CIMAP1D: variants seen among roughly 807,000 people sequenced by gnomAD.
CIMAP1D encodes the protein protein CIMAP1D.
At chr19:463,767 C>T in the CIMAP1D span, 1 of 1,527,642 alleles carries the variant, frequency 6.5e-7, no homozygotes, top group Non-Finnish European at 8.7e-7. Flanking sequence ...CTCTCGCCTT[C>T]TAGCCCCTCC....
chr19:482,127 A>C, the CIMAP1D span, among the ~76,000 whole-genome samples: 1 of 152,208 alleles, frequency 6.6e-6, no homozygotes. Flanking sequence ...ACGTGAAATT[A>C]ATTTTAATAA....
chr19:479,549 C>T, the CIMAP1D span, among the ~76,000 whole-genome samples: 2 of 152,030 alleles, frequency 1.3e-5, no homozygotes, highest in African/African-American at 4.8e-5. Context: ...GGATTACAGG[C>T]GTGCGCAACC....
the CIMAP1D span, among the ~76,000 whole-genome samples, chr19:466,737 A>C: frequency 9.4e-6 from 1 of 106,334 alleles, no homozygotes; most frequent in African/African-American, 3.7e-5. Flanking sequence ...GGATAGATGG[A>C]TGAGTGGATG....
chr19:488,010 C>T, the CIMAP1D span, among the ~76,000 whole-genome samples: 1 of 152,110 alleles, frequency 6.6e-6, no homozygotes, highest in African/African-American at 2.4e-5. Flanking sequence ...CCCCCAGTCA[C>T]GTACCCCCTG....
At chr19:484,033 A>C in the CIMAP1D span, among the ~76,000 whole-genome samples, 1 of 151,906 alleles carries the variant, frequency 6.6e-6, no homozygotes, top group South Asian at 2.1e-4. Flanking sequence ...AGATGCCATG[A>C]TTTACTCAGA....
the CIMAP1D span, chr19:464,320 C>T: frequency 1.5e-5 from 23 of 1,540,106 alleles, no homozygotes; most frequent in Non-Finnish European, 2.0e-5. Flanking sequence ...ACAGGGGGCA[C>T]CTTCTCTGGG....
the CIMAP1D span, chr19:463,897 C>T: frequency 5.0e-6 from 8 of 1,611,050 alleles, no homozygotes; most frequent in South Asian, 4.4e-5. Context: ...GGCGTGGTGG[C>T]GGCCATGGTG....
At chr19:481,540 GGATGATGGA>G in the CIMAP1D span, among the ~76,000 whole-genome samples, 2 of 144,672 alleles carry the variant, frequency 1.4e-5, no homozygotes, top group African/African-American at 2.6e-5. Flanking sequence ...GGATGATGGA[GGATGATGGA>G]GAAGGATGAT....
the CIMAP1D span, among the ~76,000 whole-genome samples, chr19:478,829 GT>G: frequency 6.6e-6 from 1 of 152,364 alleles, no homozygotes; most frequent in South Asian, 2.1e-4. Flanking sequence ...AGGTGACTCC[GT>G]TGGTGCTCCC....
At chr19:471,807 A>G in the CIMAP1D span, among the ~76,000 whole-genome samples, 1 of 151,310 alleles carries the variant, frequency 6.6e-6, no homozygotes, top group Non-Finnish European at 1.5e-5. Flanking sequence ...CAGTGGCGCC[A>G]TCTCGGCTCA....
chr19:463,944 G>A, the CIMAP1D span: 27 of 1,611,482 alleles, frequency 1.7e-5, no homozygotes, highest in African/African-American at 2.9e-4. Context: ...CATAGAGAAC[G>A]CTGGAGCCCT....
the CIMAP1D span, among the ~76,000 whole-genome samples, chr19:483,919 G>A: frequency 6.6e-6 from 1 of 152,228 alleles, no homozygotes; most frequent in South Asian, 2.1e-4. Flanking sequence ...GGAAGGGGAC[G>A]GTGCACTCAT....
chr19:467,831 G>T, the CIMAP1D span: 1 of 1,016,124 alleles, frequency 9.8e-7, no homozygotes, highest in Non-Finnish European at 1.5e-6. Context: ...CCCGGCCTCA[G>T]TGCCCCTCTT....
At chr19:489,311 G>A in the CIMAP1D span, 15,280 of 150,820 alleles carry the variant, frequency 0.1, 1,614 homozygotes, top group African/African-American at 0.27. Flanking sequence ...ACCCTCGCAG[G>A]CCGAGCCCCG....
chr19:467,585 G>T, the CIMAP1D span: 1 of 1,000,760 alleles, frequency 1.0e-6, no homozygotes, highest in Non-Finnish European at 1.6e-6. Context: ...GGAGGACAGG[G>T]CAGGAGAGTC....
chr19:487,739 T>C, the CIMAP1D span, among the ~76,000 whole-genome samples: 1 of 151,892 alleles, frequency 6.6e-6, no homozygotes, highest in African/African-American at 2.4e-5. Context: ...CTGGCCAACA[T>C]GGTGAAACTC....
At chr19:467,740 C>T in the CIMAP1D span, 42,004 of 1,606,182 alleles carry the variant, frequency 0.026, 912 homozygotes, top group African/African-American at 0.11. Flanking sequence ...AGATGGGGCC[C>T]GGGCTGGTGT....
chr19:475,686 A>C, the CIMAP1D span, among the ~76,000 whole-genome samples: 1 of 152,124 alleles, frequency 6.6e-6, no homozygotes, highest in Non-Finnish European at 1.5e-5. Context: ...GTGAGGCTCC[A>C]AGAAGAGGCT....
the CIMAP1D span, chr19:489,849 A>G: frequency 5.3e-6 from 2 of 380,946 alleles, no homozygotes; most frequent in Non-Finnish European, 9.3e-6. Flanking sequence ...TCGTCCTCAG[A>G]GGCCGCCGGC....
Sources: allele counts gnomAD v4.1 joint callset (sites outside exome capture counted in the v4.1 genomes callset), GRCh38; gene constraint gnomAD v4.1.1; transcripts MANE v1.5; gene names NCBI Gene and HGNC (gene_info 2026-07-23, HGNC 2026-07-21).